The following FSTL4 variants were observed in gnomAD, a reference collection of about 807,000 sequenced individuals.
FSTL4 encodes follistatin-related protein 4.
In FSTL4, 28 loss-of-function variants were observed where a neutral mutation model predicts 78.2. The observed-to-expected ratio is 0.36, with a 90% CI of 0.27 to 0.49. The LOEUF (loss-of-function observed/expected upper bound fraction) is 0.49. Ranked by LOEUF, FSTL4 falls within the 20% of genes least tolerant of loss-of-function variation. The pLI, the probability that FSTL4 is intolerant of heterozygous loss-of-function variation, is 0.98. For missense variants in FSTL4, 922 were observed against 1,084.9 expected (o/e 0.85, Z 2.11); for synonymous variants, 422 against 440.5 (o/e 0.96, Z 0.53).
chr5:133,455,305 G>T (rs1410842095), intron 3 of FSTL4, among the ~76,000 whole-genome samples: 2 of 152,102 alleles, frequency 1.3e-5, no homozygotes, highest in South Asian at 4.1e-4. Context: ...TGAAAATGCT[G>T]GGCAATTATC....
At chr5:133,514,994 A>G (rs909897728) in intron 3 of FSTL4, among the ~76,000 whole-genome samples, 1 of 152,242 alleles carries the variant, frequency 6.6e-6, no homozygotes, top group African/African-American at 2.4e-5. Flanking sequence ...ATTCAAAAAC[A>G]TCGCTTGAAA....
intron 3 of FSTL4, among the ~76,000 whole-genome samples, chr5:133,553,827 G>A (rs984481306): frequency 3.3e-5 from 5 of 152,126 alleles, no homozygotes; most frequent in Admixed American, 1.3e-4. Flanking sequence ...AGGATATGGC[G>A]GCTAAGTCTC....
At chr5:133,364,016 C>A (rs1258342434) in intron 4 of FSTL4, among the ~76,000 whole-genome samples, 1 of 152,192 alleles carries the variant, frequency 6.6e-6, no homozygotes, top group Non-Finnish European at 1.5e-5. Flanking sequence ...TTTAGCCCAC[C>A]TCTGGGCCCT....
chr5:133,579,927 C>T (rs1204162768), intron 2 of FSTL4, among the ~76,000 whole-genome samples: 1 of 152,084 alleles, frequency 6.6e-6, no homozygotes, highest in South Asian at 2.1e-4. Flanking sequence ...CAGGCTGGAG[C>T]CTCTGAGAAG....
intron 3 of FSTL4, among the ~76,000 whole-genome samples, chr5:133,423,446 G>T (rs532545512): frequency 6.6e-6 from 1 of 152,318 alleles, no homozygotes; most frequent in African/African-American, 2.4e-5. Context: ...CTCTGTGGAA[G>T]AGGCCCTCAG....
the FSTL4 span, among the ~76,000 whole-genome samples, chr5:133,640,806 T>A: frequency 6.6e-6 from 1 of 152,194 alleles, no homozygotes; most frequent in Non-Finnish European, 1.5e-5. Context: ...TGGGCAAAGT[T>A]GAGAATGTAA....
At chr5:133,267,726 A>G (rs1003966194) in intron 6 of FSTL4, among the ~76,000 whole-genome samples, 1 of 152,158 alleles carries the variant, frequency 6.6e-6, no homozygotes, top group African/African-American at 2.4e-5. Flanking sequence ...TCATTAACAC[A>G]CAGGCAGAAG....
At chr5:133,223,416 G>A (rs1230501104) in intron 11 of FSTL4, among the ~76,000 whole-genome samples, 28 of 152,214 alleles carry the variant, frequency 1.8e-4, no homozygotes, top group East Asian at 1.9e-4. Flanking sequence ...TTCAAAGAGG[G>A]AGATTTTGTG....
chr5:133,784,821 T>C, the FSTL4 span, among the ~76,000 whole-genome samples: 6 of 152,302 alleles, frequency 3.9e-5, no homozygotes, highest in East Asian at 1.2e-3. Context: ...TATGGTCCTG[T>C]GTGTTTCTAT....
At chr5:133,326,338 CACATATGAT>C (rs1251378008) in intron 4 of FSTL4, among the ~76,000 whole-genome samples, 5 of 152,328 alleles carry the variant, frequency 3.3e-5, no homozygotes, top group African/African-American at 1.2e-4. Flanking sequence ...GACTGTTACA[CACATATGAT>C]ACAGTCTTCT....
chr5:133,786,899 C>T, the FSTL4 span, among the ~76,000 whole-genome samples: 1 of 152,194 alleles, frequency 6.6e-6, no homozygotes, highest in Non-Finnish European at 1.5e-5. Context: ...GGACTATCAC[C>T]ATTCTCATTT....
intron 4 of FSTL4, among the ~76,000 whole-genome samples, chr5:133,352,257 TATATATACACACATATATATATACACAC>T (rs1754840679): frequency 1.7e-5 from 1 of 59,160 alleles, no homozygotes; most frequent in Non-Finnish European, 4.7e-5. Flanking sequence ...TACACACATA[TATATATACACACATATATATATACACAC>T]ATATATATAC....
At chr5:133,824,451 A>G in the FSTL4 span, among the ~76,000 whole-genome samples, 1 of 152,242 alleles carries the variant, frequency 6.6e-6, no homozygotes, top group African/African-American at 2.4e-5. Context: ...CCATCTCAGA[A>G]GCAGACAAAA....
intron 3 of FSTL4, among the ~76,000 whole-genome samples, chr5:133,495,015 T>A (rs1170534912): frequency 6.6e-6 from 1 of 152,204 alleles, no homozygotes; most frequent in Non-Finnish European, 1.5e-5. Flanking sequence ...AGCAAACATA[T>A]CCATGTTGAA....
At chr5:133,209,084 C>T (rs1750620971) in intron 14 of FSTL4, among the ~76,000 whole-genome samples, 1 of 152,128 alleles carries the variant, frequency 6.6e-6, no homozygotes, top group African/African-American at 2.4e-5. Flanking sequence ...GTATTTCTGG[C>T]AGCTGTATTT....
In FSTL4 at chr5:133,225,812, T is replaced by A. The variant is rs1485542440; in HGVS notation, c.1023A>T (p.Pro341=). 4 of 1,576,998 alleles carry A rather than the reference T, an allele frequency of 2.5e-6. No individual in the cohort carries two copies. Among genetic ancestry groups the A allele is most frequent in the Non-Finnish European group, 3.4e-6 (4 of 1,162,662 alleles). The change falls in exon 9 of 16, where the codon CCA becomes CCT. Residue 341 remains proline, a synonymous_variant. Coordinates refer to ENST00000265342, the MANE Select transcript of FSTL4 (RefSeq NM_015082.2). The surrounding 1 kb of genome is among the most constrained non-coding windows in gnomAD (Gnocchi z 4.6). The part of the protein sequence containing the change: ...QTHVLQVNVP[P]VIRVYPESQA... The stretch of plus-strand genomic sequence containing the variant: ...GGCTCTCTGGATAGACACGGATGAC[T>A]GGCGGCACTGTGGGTGAGAGTCAGT...
intron 4 of FSTL4, among the ~76,000 whole-genome samples, chr5:133,320,059 C>G (rs1364268609): frequency 2.0e-5 from 3 of 152,130 alleles, no homozygotes; most frequent in Non-Finnish European, 4.4e-5. Context: ...AAGGGCTGCC[C>G]TCTTGGTGGC....
intron 6 of FSTL4, among the ~76,000 whole-genome samples, chr5:133,304,767 G>T (rs1753619544): frequency 6.6e-6 from 1 of 152,208 alleles, no homozygotes; most frequent in African/African-American, 2.4e-5. Flanking sequence ...GAAGGAACTG[G>T]TGCAGGGTGC....
chr5:133,289,735 C>A (rs1198165984), intron 6 of FSTL4, among the ~76,000 whole-genome samples: 1 of 152,234 alleles, frequency 6.6e-6, no homozygotes, highest in Non-Finnish European at 1.5e-5. Context: ...GCCTCCAGAG[C>A]TGCCCAAAGA....
Sources: gnomAD v4.1 joint callset for allele counts (sites outside exome capture counted in the v4.1 genomes callset) on GRCh38, gnomAD v4.1.1 for gene constraint, Gnocchi (gnomAD v3.1) non-coding constraint, MANE v1.5 for transcripts, NCBI Gene and HGNC (gene_info 2026-07-23, HGNC 2026-07-21) for gene names.